Variants in KIAA0408 observed in about 807,000 individuals in gnomAD.
KIAA0408 encodes uncharacterized protein KIAA0408.
KIAA0408 carries 51 observed loss-of-function variants against 60.9 expected under a neutral mutation model. The observed-to-expected ratio is 0.84, with a 90% CI of 0.67 to 1.06. The LOEUF (loss-of-function observed/expected upper bound fraction) is 1.06. Among genes scored for constraint, KIAA0408 ranks in the 50% least tolerant of loss-of-function variants. The probability of loss-of-function intolerance (pLI) is 0.00; values close to 1 mark genes in which losing one functional copy is unlikely to be tolerated. For missense variants in KIAA0408, 787 were observed against 833.9 expected (o/e 0.94, Z 0.69); for synonymous variants, 304 against 282.4 (o/e 1.08, Z -0.77).
intron 1 of KIAA0408, among the ~76,000 whole-genome samples, chr6:127,457,988 T>A (rs1226679227): frequency 6.6e-6 from 1 of 152,236 alleles, no homozygotes; most frequent in African/African-American, 2.4e-5. Context: ...CTTATTTCCT[T>A]TTGCTAAACA....
intron 1 of KIAA0408, among the ~76,000 whole-genome samples, chr6:127,455,289 T>A (rs1773372964): frequency 6.6e-6 from 1 of 152,156 alleles, no homozygotes; most frequent in African/African-American, 2.4e-5. Flanking sequence ...CTAATGCTAA[T>A]TACGGACAAA....
rs189939578 is a variant in KIAA0408, at chr6:127,450,328, T to G, written c.160A>C (p.Arg54=). The G allele has an allele frequency of 8.4e-5, 135 of 1,600,252 alleles. 1 individual carries two copies. The highest frequency in any genetic ancestry group is 5.0e-4 in the Middle Eastern group (3 of 5,966). The change falls in exon 3 of 6, where the codon AGG becomes CGG. Residue 54 remains arginine, a synonymous_variant. Transcript: ENST00000483725. ...EELCREVKLW[R]KININESAKI... is the part of the protein sequence containing the mutation. ...GCACTTTCATTGATATTGATTTTCC[T>G]CCAAAGCTTTACTTCCCGGCAAAGC...
intron 2 of KIAA0408, among the ~76,000 whole-genome samples, chr6:127,451,523 C>A (rs1773302564): frequency 6.6e-6 from 1 of 152,086 alleles, no homozygotes; most frequent in South Asian, 2.1e-4. Flanking sequence ...CATGTTAAAT[C>A]TAAGGATGCT....
intron 2 of KIAA0408, among the ~76,000 whole-genome samples, chr6:127,453,039 T>A (rs760923775): frequency 2.0e-5 from 3 of 152,090 alleles, no homozygotes; most frequent in Non-Finnish European, 2.9e-5. Flanking sequence ...ATAAAGCACT[T>A]ACTTTGCCTG....
chr6:127,445,142 T>C (rs1773168656), intron 5 of KIAA0408, among the ~76,000 whole-genome samples: 1 of 152,276 alleles, frequency 6.6e-6, no homozygotes, highest in African/African-American at 2.4e-5. Context: ...CTGCAGTTTC[T>C]TTTTCTTTTT....
intron 4 of KIAA0408, among the ~76,000 whole-genome samples, chr6:127,448,034 T>C (rs1483705132): frequency 1.4e-4 from 22 of 152,192 alleles, no homozygotes; most frequent in Admixed American, 1.4e-3. Context: ...GATTAAACTA[T>C]GTAGTCTCCT....
chr6:127,452,475 T>C (rs1249789470), intron 2 of KIAA0408, among the ~76,000 whole-genome samples: 4 of 152,158 alleles, frequency 2.6e-5, no homozygotes, highest in East Asian at 1.9e-4. Context: ...TTAAAGCATA[T>C]TTCATGCCTG....
intron 4 of KIAA0408, 139 bp from the exon 5 acceptor site, chr6:127,447,879 C>A (rs1773232485): frequency 1.7e-6 from 2 of 1,157,934 alleles, no homozygotes; most frequent in Admixed American, 3.5e-5. Context: ...TTACATAAAT[C>A]TCCCAGTCAA....
Position 127,442,399 on chromosome 6 carries a change from G to A in KIAA0408, c.*1710C>T, listed in dbSNP as rs1277793299. 1.3e-5 allele frequency: 2 copies of A among 152,228 alleles called. No homozygotes were observed. Among genetic ancestry groups the A allele is most frequent in the Non-Finnish European group, 2.9e-5 (2 of 68,046 alleles). The allele number at this position is 152,228 out of a possible 1,614,324, so 9.4% of individuals were successfully genotyped here. A position where few individuals can be genotyped will look rare whatever the true frequency, so the allele number is the denominator to read the frequency against. ...CCCCTCTAGCTGGAAAGCATATTAT[G>A]AGAGTGATATTACTTGGTGTCTAGT... On this transcript the variant is annotated 3_prime_UTR_variant, in exon 6 of 6. Coordinates refer to ENST00000483725, the MANE Select transcript of KIAA0408 (RefSeq NM_014702.5).
intron 1 of KIAA0408, among the ~76,000 whole-genome samples, chr6:127,454,956 A>T (rs1385137983): frequency 6.6e-6 from 1 of 152,104 alleles, no homozygotes; most frequent in Non-Finnish European, 1.5e-5. Flanking sequence ...CAGCTATGTA[A>T]CTGGTATAAG....
In KIAA0408 at chr6:127,438,962, G is replaced by T. The variant is rs1562366245; in HGVS notation, c.*5147C>A. 3 of 152,108 alleles carry T rather than the reference G, an allele frequency of 2.0e-5. No individual in the cohort carries two copies. Among genetic ancestry groups the T allele is most frequent in the African/African-American group, 7.2e-5 (3 of 41,410 alleles). 9.4% of individuals were successfully genotyped at this position (152,108 alleles called of 1,614,324 possible). On this transcript the variant is annotated 3_prime_UTR_variant, in exon 6 of 6. Coordinates refer to ENST00000483725, the MANE Select transcript of KIAA0408 (RefSeq NM_014702.5). ...TTCTCTTTCATGAATGGGATTTAAG[G>T]CCCTTATAAAAGAAGCATCACATAG...
rs1773125658 is a variant in KIAA0408 at position 127,442,731 on chromosome 6, T to C, written c.*1378A>G. 1 of 152,192 alleles carries C rather than the reference T, an allele frequency of 6.6e-6. No homozygotes were observed. 9.4% of individuals were successfully genotyped at this position (152,192 alleles called of 1,614,324 possible). A position where few individuals can be genotyped will look rare whatever the true frequency, so the allele number is the denominator to read the frequency against. ...ATAAGGAGATGGCTCTTGGAATACA[T>C]TTGGCATAAGAATTTCTTAGTAAAA... is the stretch of plus-strand genomic sequence containing the variant. On this transcript the variant is annotated 3_prime_UTR_variant, in exon 6 of 6. Transcript: ENST00000483725.
intron 1 of KIAA0408, among the ~76,000 whole-genome samples, chr6:127,456,739 G>A (rs1773400752): frequency 6.6e-6 from 1 of 151,732 alleles, no homozygotes; most frequent in Non-Finnish European, 1.5e-5. Context: ...AATGTTAGAT[G>A]TAACGCAGCC....
At chr6:127,456,633 C>T (rs1335600265) in intron 1 of KIAA0408, among the ~76,000 whole-genome samples, 2 of 152,132 alleles carry the variant, frequency 1.3e-5, no homozygotes, top group Admixed American at 1.3e-4. Flanking sequence ...GGATCAGAAA[C>T]AAGCCTTTGC....
Position 127,444,127 on chromosome 6 carries a change from G to T in KIAA0408, c.2067C>A (p.Ser689=). The T allele has an allele frequency of 1.2e-6, 2 of 1,613,862 alleles. No individual in the cohort carries two copies. The highest frequency in any genetic ancestry group is 1.7e-6 in the Non-Finnish European group (2 of 1,179,944). ...CAAAGACTTAAACCATCAATGCTTC[G>T]GATCGCAGAGAAATGGTATAGTTGT... is the stretch of plus-strand genomic sequence containing the variant. ...TTHNYTISLR[S]EALMV is the part of the protein sequence containing the mutation. Residue 689 remains serine, a synonymous_variant, in exon 6 of 6, where the codon TCC becomes TCA. Coordinates refer to ENST00000483725, the MANE Select transcript of KIAA0408 (RefSeq NM_014702.5).
At chr6:127,458,300 T>G (rs910575493) in intron 1 of KIAA0408, among the ~76,000 whole-genome samples, 1 of 152,242 alleles carries the variant, frequency 6.6e-6, no homozygotes, top group African/African-American at 2.4e-5. Context: ...CAATTGAATC[T>G]TTCCAAAGAC....
intron 5 of KIAA0408, 35 bp from the exon 6 acceptor site, chr6:127,444,317 T>G (rs1773152523): frequency 1.3e-6 from 2 of 1,520,876 alleles, no homozygotes; most frequent in Non-Finnish European, 1.8e-6. Context: ...TCTCACTCTC[T>G]GGGTACCAAC....
chr6:127,458,573 A>C (rs1773434635), intron 1 of KIAA0408, among the ~76,000 whole-genome samples: 1 of 152,230 alleles, frequency 6.6e-6, no homozygotes. Context: ...ATTTGGTTTG[A>C]GTAAACAAAT....
rs1773065801 is a variant in KIAA0408, at chr6:127,439,193, T to G, written c.*4916A>C. The G allele has an allele frequency of 6.5e-6, 1 of 153,512 alleles. No homozygotes were observed. Among genetic ancestry groups the G allele is most frequent in the Admixed American group, 6.5e-5 (1 of 15,296 alleles). 9.5% of individuals were successfully genotyped at this position (153,512 alleles called of 1,614,324 possible). A position where few individuals can be genotyped will look rare whatever the true frequency, so the allele number is the denominator to read the frequency against. The stretch of plus-strand genomic sequence containing the variant: ...TCTTTATAAATAACCCAGTCTCAAG[T>G]GTGTTTTGTTATAGCAGCACAAATG... On this transcript the variant is annotated 3_prime_UTR_variant, in exon 6 of 6. Transcript: ENST00000483725.
Sources: gnomAD v4.1 joint callset for allele counts (sites outside exome capture counted in the v4.1 genomes callset) on GRCh38, gnomAD v4.1.1 for gene constraint, MANE v1.5 for transcripts, NCBI Gene and HGNC (gene_info 2026-07-23, HGNC 2026-07-21) for gene names.